GPC5: variants seen among roughly 807,000 people sequenced by gnomAD.
The protein encoded by GPC5 is glypican-5.
GPC5 carries 47 observed loss-of-function variants against 53.9 expected under a neutral mutation model. The ratio of observed to expected loss-of-function variants is 0.87; its 90% CI spans 0.69 to 1.11. The LOEUF (loss-of-function observed/expected upper bound fraction) is 1.11, where lower values mean the gene tolerates loss of function less well. GPC5 is among the 50% of genes most tolerant of loss of function. The probability of loss-of-function intolerance (pLI) is 0.00; values close to 1 mark genes in which losing one functional copy is unlikely to be tolerated. For synonymous variants in GPC5, 286 were observed against 263.3 expected (o/e 1.09, Z -0.84); for missense variants, 748 against 713.1 (o/e 1.05, Z -0.56).
intron 2 of GPC5, among the ~76,000 whole-genome samples, chr13:91,592,257 T>C (rs983395867): frequency 3.9e-5 from 6 of 152,164 alleles, no homozygotes; most frequent in Admixed American, 6.5e-5. Context: ...CACTTTAAGA[T>C]TCATGGGTGG....
intron 6 of GPC5, among the ~76,000 whole-genome samples, chr13:92,121,182 A>C (rs1199888270): frequency 6.6e-6 from 1 of 152,190 alleles, no homozygotes; most frequent in African/African-American, 2.4e-5. Flanking sequence ...CACTCTTCAG[A>C]ATCCTTTGTT....
At chr13:92,010,518 A>G (rs1422458131) in intron 6 of GPC5, among the ~76,000 whole-genome samples, 3 of 152,226 alleles carry the variant, frequency 2.0e-5, no homozygotes, top group Non-Finnish European at 1.5e-5. Flanking sequence ...CAGAATCTCT[A>G]TATTGAAGCA....
At chr13:92,709,047 ATTT>A (rs1367528119) in intron 7 of GPC5, among the ~76,000 whole-genome samples, 2 of 144,758 alleles carry the variant, frequency 1.4e-5, no homozygotes, top group Non-Finnish European at 3.1e-5. Flanking sequence ...CATCTGGCTA[ATTT>A]TTTTTGTTGT....
At chr13:92,083,773 G>T (rs2041315258) in intron 6 of GPC5, among the ~76,000 whole-genome samples, 1 of 152,088 alleles carries the variant, frequency 6.6e-6, no homozygotes, top group Non-Finnish European at 1.5e-5. Context: ...CTTCCACAAT[G>T]GTTGAACTAA....
At chr13:92,783,005 A>G (rs1876088497) in intron 7 of GPC5, among the ~76,000 whole-genome samples, 1 of 152,234 alleles carries the variant, frequency 6.6e-6, no homozygotes, top group Non-Finnish European at 1.5e-5. Context: ...TAAATTATCT[A>G]TAAACTTCAA....
chr13:92,667,664 C>T (rs771448606), intron 7 of GPC5, among the ~76,000 whole-genome samples: 76 of 151,910 alleles, frequency 5.0e-4, no homozygotes, highest in Non-Finnish European at 9.3e-4. Flanking sequence ...GGGGTACTTG[C>T]TCTAAAACTT....
At chr13:91,994,910 ACTTGTTTG>A (rs1224019510) in intron 6 of GPC5, 1 of 152,152 alleles carries the variant, frequency 6.6e-6, no homozygotes, top group Non-Finnish European at 1.5e-5. Context: ...GCATTTATTT[ACTTGTTTG>A]CTTGTTTGTT....
At chr13:91,516,271 C>G (rs541848307) in intron 2 of GPC5, among the ~76,000 whole-genome samples, 1 of 152,250 alleles carries the variant, frequency 6.6e-6, no homozygotes, top group East Asian at 1.9e-4. Context: ...TCTGGAAAAT[C>G]AAAAGCAAAC....
Position 92,382,212 on chromosome 13 carries a change from G to A in GPC5, c.1561+237223G>A, listed in dbSNP as rs138464072. Among the ~76,000 whole-genome samples, 156 of 151,994 alleles carry A rather than the reference G, an allele frequency of 1.0e-3. 4 individuals are homozygous for A. The East Asian group carries it at 0.028, about 28-fold the overall frequency. Reference sequence around the variant, plus strand: ...ATGATACAATGGACTTTGGGGACTTGGGGGGAAGAGTGGGAGGGTGGCGAG... The same window carrying A: ...ATGATACAATGGACTTTGGGGACTTAGGGGGAAGAGTGGGAGGGTGGCGAG... On this transcript the variant is annotated intron_variant, in intron 7 of 7. Transcript: ENST00000377067.
intron 6 of GPC5, among the ~76,000 whole-genome samples, chr13:92,066,846 G>T (rs2041171394): frequency 6.6e-6 from 1 of 151,920 alleles, no homozygotes; most frequent in African/African-American, 2.4e-5. Context: ...TTTTCTTGAG[G>T]TGAGAGGAGA....
At chr13:92,799,089 T>C (rs1267530555) in intron 7 of GPC5, among the ~76,000 whole-genome samples, 1 of 151,738 alleles carries the variant, frequency 6.6e-6, no homozygotes, top group African/African-American at 2.4e-5. Context: ...TTTTTTTTCA[T>C]TTAATGAAAC....
chr13:92,604,486 C>T (rs946493865), intron 7 of GPC5, among the ~76,000 whole-genome samples: 1 of 152,174 alleles, frequency 6.6e-6, no homozygotes, highest in African/African-American at 2.4e-5. Context: ...TGTCTGGGCA[C>T]CTAGAACTTT....
At chr13:92,535,799 C>T (rs1403927683) in intron 7 of GPC5, among the ~76,000 whole-genome samples, 2 of 151,998 alleles carry the variant, frequency 1.3e-5, no homozygotes, top group Non-Finnish European at 2.9e-5. Flanking sequence ...CATTCCCTTG[C>T]ACTTGTATAT....
chr13:91,543,417 T>A (rs983990016), intron 2 of GPC5, among the ~76,000 whole-genome samples: 1 of 152,228 alleles, frequency 6.6e-6, no homozygotes, highest in Non-Finnish European at 1.5e-5. Context: ...GAATTTTACA[T>A]GTCTTTTAAG....
At chr13:92,764,935 A>G (rs1341218087) in intron 7 of GPC5, among the ~76,000 whole-genome samples, 1 of 152,114 alleles carries the variant, frequency 6.6e-6, no homozygotes, top group East Asian at 1.9e-4. Context: ...AAAAAAAGGG[A>G]AATTTGAATT....
intron 7 of GPC5, among the ~76,000 whole-genome samples, chr13:92,722,371 T>C (rs1888529833): frequency 1.3e-5 from 2 of 151,948 alleles, no homozygotes; most frequent in South Asian, 4.1e-4. Flanking sequence ...TTAAGGAGTT[T>C]CTAACCTTTC....
chr13:92,538,352 CTT>C (rs1881794234), intron 7 of GPC5, among the ~76,000 whole-genome samples: 8 of 151,410 alleles, frequency 5.3e-5, no homozygotes, highest in Admixed American at 5.3e-4. Context: ...CTGTCCTACT[CTT>C]TTCTTTCTGT....
chr13:91,773,089 T>C (rs2037653852), intron 5 of GPC5, among the ~76,000 whole-genome samples: 1 of 152,204 alleles, frequency 6.6e-6, no homozygotes, highest in African/African-American at 2.4e-5. Flanking sequence ...TCCATCTTGA[T>C]GTACAGAGCA....
At chr13:91,696,403 T>C (rs1194587142) in intron 3 of GPC5, among the ~76,000 whole-genome samples, 4 of 152,178 alleles carry the variant, frequency 2.6e-5, no homozygotes, top group Non-Finnish European at 5.9e-5. Context: ...TTTTTACTTA[T>C]GGGAACAGAA....
Sources: allele counts gnomAD v4.1 joint callset (sites outside exome capture counted in the v4.1 genomes callset), GRCh38; gene constraint gnomAD v4.1.1; transcripts MANE v1.5; gene names NCBI Gene and HGNC (gene_info 2026-07-23, HGNC 2026-07-21).